TLE3: variants seen among roughly 807,000 people sequenced by gnomAD.
TLE3 encodes the protein TLE family member 3, transcriptional corepressor.
A neutral mutation model predicts 93.0 loss-of-function variants in TLE3; 14 were observed. That is an observed-to-expected ratio of 0.15 (90% CI 0.10 to 0.24). TLE3 has a LOEUF of 0.24. TLE3 is among the 10% of genes least tolerant of loss of function. The pLI, the probability that TLE3 is intolerant of heterozygous loss-of-function variation, is 1.00. For missense variants in TLE3, 693 were observed against 1,046.6 expected (o/e 0.66, Z 4.66); for synonymous variants, 451 against 425.0 (o/e 1.06, Z -0.75).
intron 4 of TLE3, 21 bp from the exon 5 acceptor site, chr15:70,076,179 C>A (rs769853269): frequency 1.2e-6 from 2 of 1,612,890 alleles, no homozygotes; most frequent in Non-Finnish European, 1.7e-6. Context: ...AAGGAGACCA[C>A]ATGAAGCTCA....
intron 15 of TLE3, 163 bp downstream of exon 15, chr15:70,054,886 A>C (rs1340694480): frequency 7.9e-7 from 1 of 1,258,046 alleles, no homozygotes; most frequent in Non-Finnish European, 1.1e-6. Flanking sequence ...AATCAGCCCC[A>C]CACACAGAAG....
At chr15:70,078,453 C>A (rs537964170) in intron 4 of TLE3, among the ~76,000 whole-genome samples, 1 of 152,372 alleles carries the variant, frequency 6.6e-6, no homozygotes, top group East Asian at 1.9e-4. Context: ...AGGTCCAAGG[C>A]CTGTTATCTT....
rs1332349572 is a variant in TLE3, at chr15:70,049,053, C to T, written c.*1044G>A. On this transcript the variant is annotated 3_prime_UTR_variant, in exon 20 of 20. Coordinates refer to ENST00000451782, the MANE Select transcript of TLE3 (RefSeq NM_001105192.3). The stretch of plus-strand genomic sequence containing the variant: ...CAGTTGCTATTTTTCTCTGGTAGCT[C>T]CCTGAGCTGAGTTGCTATGCTGTCT... 1 of 150,976 alleles carries T rather than the reference C, an allele frequency of 6.6e-6. No individual in the cohort carries two copies. Among genetic ancestry groups the T allele is most frequent in the Non-Finnish European group, 1.5e-5 (1 of 67,884 alleles). 9.4% of individuals were successfully genotyped at this position (150,976 alleles called of 1,614,324 possible).
chr15:70,059,979 G>A (rs751306783), intron 9 of TLE3, among the ~76,000 whole-genome samples: 7 of 152,166 alleles, frequency 4.6e-5, no homozygotes, highest in African/African-American at 1.2e-4. Flanking sequence ...GTGCAAGACC[G>A]CTGAGGCCCT....
chr15:70,054,094 C>T (rs541503017), intron 16 of TLE3: 65 of 216,484 alleles, frequency 3.0e-4, no homozygotes, highest in Admixed American at 4.3e-4. Flanking sequence ...GTTTAGCTAC[C>T]ACGTGATGTG....
At chr15:70,056,461 AC>A in intron 13 of TLE3, 87 bp from the exon 14 acceptor site, 4 of 1,250,008 alleles carry the variant, frequency 3.2e-6, no homozygotes, top group Non-Finnish European at 4.6e-6. Context: ...CCGGGGTCCT[AC>A]CTGCACGGCT....
At position 70,067,128 on chromosome 15, in the gene TLE3, CCT is replaced by C. The variant is rs375437169; in HGVS notation, c.373-912_373-911del. Among the ~76,000 whole-genome samples, 542 of 152,270 alleles carry C rather than the reference CCT, an allele frequency of 3.6e-3. 2 individuals are homozygous for C. The highest frequency in any genetic ancestry group is 0.013 in the African/African-American group (522 of 41,550). On this transcript the variant is annotated intron_variant, in intron 6 of 19. Coordinates refer to ENST00000451782, the MANE Select transcript of TLE3 (RefSeq NM_001105192.3). ...TATTATCAACAACAATGCAATTCTC[CCT>C]GTCTCCTCCCCAGTCAAGGACTCCG...
chr15:70,071,716 C>T (rs969894152), intron 6 of TLE3, among the ~76,000 whole-genome samples: 4 of 152,178 alleles, frequency 2.6e-5, no homozygotes, highest in Non-Finnish European at 5.9e-5. Context: ...CAGGCTGTGT[C>T]TCCTTCCAGA....
chr15:70,058,861 C>G lies in TLE3; in HGVS notation c.766-46G>C. 1 of 1,502,040 alleles carries G rather than the reference C, an allele frequency of 6.7e-7. No homozygotes were observed. 93.0% of individuals were successfully genotyped at this position (1,502,040 alleles called of 1,614,324 possible). A position where few individuals can be genotyped will look rare whatever the true frequency, so the allele number is the denominator to read the frequency against. ...GAGATGCACTGAAAGCAACAGCCAG[C>G]CTCGAGGCTTCCCTGCTCTGGGAGT... On this transcript the variant is annotated intron_variant, in intron 10 of 19. Coordinates refer to ENST00000451782, the MANE Select transcript of TLE3 (RefSeq NM_001105192.3). This position sits in a 1 kb window ranked among gnomAD's most constrained non-coding sequence, Gnocchi z 4.1.
Position 70,072,154 on chromosome 15 carries a change from G to A in TLE3, c.372+2379C>T, listed in dbSNP as rs188244531. Reference sequence around the variant, plus strand: ...AAAATGGGGGTCACAGGCCCCACTCGTTGGCTTTAATTGAATTCCAATGTC... The same window carrying A: ...AAAATGGGGGTCACAGGCCCCACTCATTGGCTTTAATTGAATTCCAATGTC... On this transcript the variant is annotated intron_variant, in intron 6 of 19. Coordinates refer to ENST00000451782, the MANE Select transcript of TLE3 (RefSeq NM_001105192.3). Among the ~76,000 whole-genome samples, 30 of 152,328 alleles carry A rather than the reference G, an allele frequency of 2.0e-4. No individual in the cohort carries two copies. The South Asian group carries it at 3.7e-3, about 19-fold the overall frequency.
chr15:70,074,144 G>A (rs1396363921), intron 6 of TLE3, among the ~76,000 whole-genome samples: 1 of 152,270 alleles, frequency 6.6e-6, no homozygotes, highest in Non-Finnish European at 1.5e-5. Context: ...GCAGACTTCT[G>A]CCAGGGAGGA....
At chr15:70,065,979 G>GCCC in intron 7 of TLE3, 35 bp downstream of exon 7, 11 of 1,089,068 alleles carry the variant, frequency 1.0e-5, no homozygotes, top group Non-Finnish European at 1.4e-5. Flanking sequence ...GCCCACCCCT[G>GCCC]CCCCGCCCCA....
intron 19 of TLE3, 168 bp downstream of exon 19, chr15:70,051,223 A>G: frequency 1.7e-6 from 1 of 604,844 alleles, no homozygotes; most frequent in African/African-American, 1.9e-5. Flanking sequence ...CCTTGGGAGA[A>G]CCCAATCTTG....
intron 18 of TLE3, 92 bp from the exon 19 acceptor site, chr15:70,051,559 G>T (rs935551337): frequency 1.7e-6 from 2 of 1,158,064 alleles, no homozygotes; most frequent in Non-Finnish European, 2.4e-6. Flanking sequence ...CCATAGAAAA[G>T]CAGTGAGAAC....
intron 4 of TLE3, among the ~76,000 whole-genome samples, chr15:70,089,953 A>T (rs2058230242): frequency 1.3e-5 from 2 of 152,298 alleles, no homozygotes; most frequent in South Asian, 4.1e-4. Flanking sequence ...CCGAATTAGG[A>T]GCCAGGTTCC....
chr15:70,060,324 A>G (rs1168468550), intron 9 of TLE3, among the ~76,000 whole-genome samples: 1 of 152,164 alleles, frequency 6.6e-6, no homozygotes, highest in Non-Finnish European at 1.5e-5. Context: ...TCCGCCCCAC[A>G]GTGGCTCGCA....
At chr15:70,065,948 G>T in intron 7 of TLE3, 66 bp downstream of exon 7, 1 of 1,482,468 alleles carries the variant, frequency 6.7e-7, no homozygotes, top group Non-Finnish European at 9.3e-7. Flanking sequence ...TCCACTCACT[G>T]TGAGGCCTAT....
At chr15:70,055,992 C>T (rs932810529) in intron 14 of TLE3, 40 of 482,356 alleles carry the variant, frequency 8.3e-5, no homozygotes, top group Admixed American at 2.0e-4. Flanking sequence ...GCAAGGCCCA[C>T]CACAGCTCCA....
At chr15:70,068,209 C>T (rs776520341) in intron 6 of TLE3, among the ~76,000 whole-genome samples, 7 of 152,234 alleles carry the variant, frequency 4.6e-5, no homozygotes, top group African/African-American at 1.4e-4. Flanking sequence ...ATCCTACCCT[C>T]GGAAGATTCT....
Sources: allele counts gnomAD v4.1 joint callset (sites outside exome capture counted in the v4.1 genomes callset), GRCh38; gene constraint gnomAD v4.1.1; non-coding constraint Gnocchi (gnomAD v3.1); transcripts MANE v1.5; gene names NCBI Gene and HGNC (gene_info 2026-07-23, HGNC 2026-07-21).